Variants in TGFBR3 observed in about 807,000 individuals in gnomAD.
TGFBR3 encodes transforming growth factor beta receptor 3.
Under a neutral mutation model 87.9 loss-of-function variants are expected in TGFBR3, and 46 were observed. The observed-to-expected ratio is 0.52, with a 90% CI of 0.41 to 0.67. The LOEUF (loss-of-function observed/expected upper bound fraction) is 0.67. Among genes scored for constraint, TGFBR3 ranks in the 30% least tolerant of loss-of-function variants. The pLI, the probability that TGFBR3 is intolerant of heterozygous loss-of-function variation, is 0.00. For synonymous variants in TGFBR3, 381 were observed against 391.6 expected (o/e 0.97, Z 0.32); for missense variants, 866 against 1,041.9 (o/e 0.83, Z 2.32).
At position 91,744,347 on chromosome 1, in the gene TGFBR3, A is replaced by C. The variant is rs569099550; in HGVS notation, c.385-9388T>G. Among the ~76,000 whole-genome samples, 9 of 152,266 alleles carry C rather than the reference A, an allele frequency of 5.9e-5. No individual in the cohort carries two copies. In the South Asian group the frequency reaches 8.3e-4, roughly 14 times the overall value. The stretch of plus-strand genomic sequence containing the variant: ...GTGATCTGCCCACCCCGGCCTCCCA[A>C]AGTGCTGGGATTACAGGCACGAGGA... On this transcript the variant is annotated intron_variant, in intron 4 of 16. Transcript: ENST00000212355.
chr1:91,834,250 G>A (rs1020614898), intron 2 of TGFBR3, among the ~76,000 whole-genome samples: 2 of 152,138 alleles, frequency 1.3e-5, no homozygotes, highest in Non-Finnish European at 2.9e-5. Flanking sequence ...CTGATAGCAT[G>A]GTGTCTCCCG....
rs373207941 is a variant in TGFBR3, at chr1:91,716,409, C to A, written c.1708-15G>T. 1 of 1,614,022 alleles carries A rather than the reference C, an allele frequency of 6.2e-7. No homozygotes were observed. Among genetic ancestry groups the A allele is most frequent in the Non-Finnish European group, 8.5e-7 (1 of 1,180,010 alleles). On this transcript the variant is annotated splice_polypyrimidine_tract_variant and intron_variant, in intron 11 of 16. Transcript: ENST00000212355. ...CTGCAATTAAACTGGAAATAACAAC[C>A]CACAGGAAGATTAATGACAGTCATA... is the stretch of plus-strand genomic sequence containing the variant.
At chr1:91,905,276 TG>T (rs1187362610) in intron 1 of TGFBR3, among the ~76,000 whole-genome samples, 1 of 152,200 alleles carries the variant, frequency 6.6e-6, no homozygotes, top group Non-Finnish European at 1.5e-5. Flanking sequence ...CAGGATCAGT[TG>T]GCTTATTTAA....
At chr1:91,784,665 A>T (rs1674894399) in intron 3 of TGFBR3, among the ~76,000 whole-genome samples, 1 of 152,200 alleles carries the variant, frequency 6.6e-6, no homozygotes, top group Non-Finnish European at 1.5e-5. Context: ...AAGAATTGAG[A>T]GACTGAAGAA....
rs147108633 is a variant in TGFBR3, at chr1:91,727,739, G to A, written c.805C>T (p.Leu269Phe). The stretch of plus-strand genomic sequence containing the variant: ...TTTTTGCACTTCAAGATCAGGATGA[G>A]ATTTTTGACCACTTCAAGATCCTCT... ...SQEDLEVVKN[L>F]ILILKCKKSV... Residue 269 changes from leucine to phenylalanine, a missense_variant, in exon 7 of 17, where the codon CTC (leucine) becomes TTC (phenylalanine). By Grantham distance (22) the Leu-to-Phe change is conservative (BLOSUM62 0). Transcript: ENST00000212355. The A allele has an allele frequency of 2.5e-6, 4 of 1,613,966 alleles. No homozygotes were observed. The South Asian group carries it at 3.3e-5, about 13-fold the overall frequency.
At chr1:91,748,486 T>A (rs1398186171) in intron 4 of TGFBR3, among the ~76,000 whole-genome samples, 1 of 152,174 alleles carries the variant, frequency 6.6e-6, no homozygotes, top group African/African-American at 2.4e-5. Flanking sequence ...ACTGATATGA[T>A]CTAGATCCCA....
chr1:91,821,328 CAAAAAAAAAAA>C lies in TGFBR3; in HGVS notation c.62-23868_62-23858del, dbSNP rs35313779. 1.8e-4 allele frequency among the ~76,000 whole-genome samples: 14 copies of C among 77,576 alleles called. 1 individual carries two copies. The South Asian group carries it at 6.6e-3, about 37-fold the overall frequency. The allele number at this position is 77,576 out of a possible 152,430, so 50.9% of individuals were successfully genotyped here. On this transcript the variant is annotated intron_variant, in intron 2 of 16. Coordinates refer to ENST00000212355, the MANE Select transcript of TGFBR3 (RefSeq NM_003243.5). ...CTGGGTGACAGAGATAAGACTGTCT[CAAAAAAAAAAA>C]AAAAAAAAAAAAAGTAATGGCAAAA...
At chr1:91,693,595 T>C (rs549911561) in intron 16 of TGFBR3, among the ~76,000 whole-genome samples, 76 of 152,304 alleles carry the variant, frequency 5.0e-4, no homozygotes, top group African/African-American at 1.8e-3. Context: ...GTTCCAGTAG[T>C]GAGTATTATC....
intron 3 of TGFBR3, among the ~76,000 whole-genome samples, chr1:91,766,046 G>T (rs1254648585): frequency 6.6e-6 from 1 of 151,452 alleles, no homozygotes; most frequent in African/African-American, 2.4e-5. Flanking sequence ...TCCTTTTTTT[G>T]AGACAAGATC....
At chr1:91,803,565 T>C (rs1191702059) in intron 2 of TGFBR3, among the ~76,000 whole-genome samples, 1 of 151,790 alleles carries the variant, frequency 6.6e-6, no homozygotes, top group Non-Finnish European at 1.5e-5. Flanking sequence ...AGGAAACAAA[T>C]GTAAACTCTT....
At position 91,774,531 on chromosome 1, in the gene TGFBR3, G is replaced by T. The variant is rs146596271; in HGVS notation, c.247-15781C>A. Among the ~76,000 whole-genome samples the T allele has an allele frequency of 1.1e-3, 160 of 152,144 alleles. 1 individual carries two copies. The highest frequency in any genetic ancestry group is 3.7e-3 in the African/African-American group (155 of 41,508). The stretch of plus-strand genomic sequence containing the variant: ...ATAAGTTTCCAATAAATCAAAATAT[G>T]ATTTAAAAAAAAGAGTAAATGCAAA... On this transcript the variant is annotated intron_variant, in intron 3 of 16. Transcript: ENST00000212355.
chr1:91,894,541 G>A (rs1461544056), intron 2 of TGFBR3, among the ~76,000 whole-genome samples: 5 of 152,174 alleles, frequency 3.3e-5, no homozygotes, highest in Non-Finnish European at 7.3e-5. Context: ...GGCAAGACCA[G>A]TGACTGATAC....
intron 2 of TGFBR3, among the ~76,000 whole-genome samples, chr1:91,825,739 G>A (rs1364038661): frequency 2.0e-5 from 3 of 152,172 alleles, no homozygotes; most frequent in Non-Finnish European, 2.9e-5. Context: ...CTAGCACTTT[G>A]GGAGGCCAAG....
At chr1:91,784,737 G>T (rs1165058632) in intron 3 of TGFBR3, among the ~76,000 whole-genome samples, 1 of 152,154 alleles carries the variant, frequency 6.6e-6, no homozygotes, top group South Asian at 2.1e-4. Flanking sequence ...GTAAGCCCAG[G>T]GGGAGGCTCA....
At chr1:91,694,293 C>T (rs1029398610) in intron 16 of TGFBR3, among the ~76,000 whole-genome samples, 8 of 152,206 alleles carry the variant, frequency 5.3e-5, no homozygotes, top group African/African-American at 1.2e-4. Context: ...TAATCTTTCA[C>T]GTAAACATAC....
chr1:91,863,518 T>C (rs1253085530), intron 1 of TGFBR3, among the ~76,000 whole-genome samples: 3 of 152,218 alleles, frequency 2.0e-5, no homozygotes, highest in African/African-American at 7.2e-5. Context: ...ACCAACCAAA[T>C]AAATGTTAGC....
chr1:91,789,768 A>G (rs6685743), intron 3 of TGFBR3, among the ~76,000 whole-genome samples: 18,429 of 152,234 alleles, frequency 0.12, 1,826 homozygotes, highest in African/African-American at 0.28. Context: ...GACCAGTGCC[A>G]GCTCTCGCTT....
chr1:91,728,298 A>G (rs1032765160), intron 6 of TGFBR3, among the ~76,000 whole-genome samples: 12 of 152,184 alleles, frequency 7.9e-5, no homozygotes, highest in African/African-American at 2.9e-4. Context: ...TCAGAGTAAA[A>G]TAAGAGACAA....
intron 12 of TGFBR3, among the ~76,000 whole-genome samples, chr1:91,713,278 C>T (rs1672050118): frequency 6.6e-6 from 1 of 152,172 alleles, no homozygotes; most frequent in African/African-American, 2.4e-5. Context: ...TTTGAAAACA[C>T]TTGTATGGGC....
Sources: gnomAD v4.1 joint callset for allele counts (sites outside exome capture counted in the v4.1 genomes callset) on GRCh38, gnomAD v4.1.1 for gene constraint, MANE v1.5 for transcripts, NCBI Gene and HGNC (gene_info 2026-07-23, HGNC 2026-07-21) for gene names.